Variants in LOXHD1 observed in about 807,000 individuals in gnomAD.
LOXHD1 encodes the protein lipoxygenase homology domain-containing protein 1.
Under a neutral mutation model 248.2 loss-of-function variants are expected in LOXHD1, and 205 were observed. The observed-to-expected ratio is 0.83, with a 90% CI of 0.74 to 0.93. The LOEUF is 0.93. Ranked by LOEUF, LOXHD1 falls within the 40% of genes least tolerant of loss-of-function variation. LOXHD1 has a pLI of 0.00. For synonymous variants in LOXHD1, 1,113 were observed against 1,162.8 expected (o/e 0.96, Z 0.87); for missense variants, 2,930 against 2,971.6 (o/e 0.99, Z 0.33).
chr18:46,541,797 G>A lies in LOXHD1; in HGVS notation c.3892C>T (p.Gln1298Ter), dbSNP rs1458502601. The A allele has an allele frequency of 1.3e-6, 2 of 1,551,732 alleles. No homozygotes were observed. Among genetic ancestry groups the A allele is most frequent in the Admixed American group, 3.9e-5 (2 of 51,014 alleles). Residue 1298 changes from glutamine (Q) to a stop codon, truncating the protein, a stop_gained, in exon 25 of 41, where the codon CAG (glutamine) becomes TAG (stop). Coordinates refer to ENST00000642948, the MANE Select transcript of LOXHD1 (RefSeq NM_001384474.1). LOFTEE classifies it high-confidence loss of function. ...IIRDLFHAEL[Q>*]TRLYTPFVPY... Reference sequence around the variant, plus strand: ...CTACATGGTGTGTACAGCCTCGTCTGAAGCTCTGCATGGAAGAGGTCTCTG... The same window carrying A: ...CTACATGGTGTGTACAGCCTCGTCTAAAGCTCTGCATGGAAGAGGTCTCTG...
chr18:46,541,778 G>A lies in LOXHD1; in HGVS notation c.3911C>T (p.Pro1304Leu). 2 of 1,551,700 alleles carry A rather than the reference G, an allele frequency of 1.3e-6. No individual in the cohort carries two copies. Among genetic ancestry groups the A allele is most frequent in the East Asian group, 2.4e-5 (1 of 40,912 alleles). ...HAELQTRLYT[P>L]FVPYEITLYT... The stretch of plus-strand genomic sequence containing the variant: ...GCCTTGCCGTGTGTGGTTCCTACAT[G>A]GTGTGTACAGCCTCGTCTGAAGCTC... Residue 1304 changes from proline (P) to leucine (L), a missense_variant and splice_region_variant, in exon 25 of 41, where the codon CCA (proline) becomes CTA (leucine). Transcript: ENST00000642948.
intron 1 of LOXHD1, among the ~76,000 whole-genome samples, chr18:46,649,654 T>C (rs1252180429): frequency 6.6e-6 from 1 of 152,072 alleles, no homozygotes; most frequent in Non-Finnish European, 1.5e-5. Context: ...CTCTCTGCCC[T>C]CTACACAAGG....
intron 4 of LOXHD1, among the ~76,000 whole-genome samples, chr18:46,626,593 A>C (rs561005777): frequency 6.6e-6 from 1 of 152,356 alleles, no homozygotes; most frequent in African/African-American, 2.4e-5. Context: ...GCTATAATGT[A>C]GTATTAAGTG....
intron 14 of LOXHD1, among the ~76,000 whole-genome samples, chr18:46,573,018 G>A (rs1466643446): frequency 8.6e-5 from 5 of 58,314 alleles, no homozygotes; most frequent in East Asian, 6.4e-4. Flanking sequence ...GTGAGACTCC[G>A]TCTCAAAAAA....
At chr18:46,558,093 T>G (rs1394826292) in intron 20 of LOXHD1, 9 of 984,796 alleles carry the variant, frequency 9.1e-6, no homozygotes, top group Non-Finnish European at 1.1e-5. Context: ...ATAACTTTTT[T>G]GACTCTTAAT....
intron 12 of LOXHD1, among the ~76,000 whole-genome samples, chr18:46,580,129 T>A (rs1160424381): frequency 6.6e-6 from 1 of 152,262 alleles, no homozygotes; most frequent in Non-Finnish European, 1.5e-5. Context: ...TTCAGGTTTC[T>A]CAACTCTGAA....
intron 4 of LOXHD1, among the ~76,000 whole-genome samples, chr18:46,625,865 C>T (rs1185854751): frequency 6.6e-6 from 1 of 152,156 alleles, no homozygotes; most frequent in African/African-American, 2.4e-5. Context: ...AAGACCCCTC[C>T]CATCCACCTG....
intron 3 of LOXHD1, among the ~76,000 whole-genome samples, chr18:46,640,099 G>A (rs925251701): frequency 6.6e-6 from 1 of 152,146 alleles, no homozygotes; most frequent in African/African-American, 2.4e-5. Flanking sequence ...CTTCCCCTTT[G>A]AGGTCCTGGC....
At chr18:46,580,430 G>A (rs906614192) in intron 12 of LOXHD1, among the ~76,000 whole-genome samples, 35 of 152,366 alleles carry the variant, frequency 2.3e-4, no homozygotes, top group Admixed American at 1.6e-3. Context: ...TGTGGGAAGG[G>A]CAGCAACTTC....
At chr18:46,501,346 G>T (rs963447489) in intron 37 of LOXHD1, among the ~76,000 whole-genome samples, 2 of 152,078 alleles carry the variant, frequency 1.3e-5, no homozygotes, top group Non-Finnish European at 2.9e-5. Context: ...CCTTTTCATG[G>T]TCTATTTAGT....
At chr18:46,546,102 GC>G (rs2036811244) in intron 22 of LOXHD1, among the ~76,000 whole-genome samples, 1 of 152,118 alleles carries the variant, frequency 6.6e-6, no homozygotes, top group Non-Finnish European at 1.5e-5. Flanking sequence ...CAGAGGCTCA[GC>G]AGCCAGGAGC....
intron 37 of LOXHD1, among the ~76,000 whole-genome samples, chr18:46,491,487 C>A (rs2033471955): frequency 1.3e-5 from 2 of 152,218 alleles, no homozygotes; most frequent in Non-Finnish European, 2.9e-5. Context: ...ACTACTGATT[C>A]AATGTATCAG....
At chr18:46,624,554 G>T (rs920179031) in intron 4 of LOXHD1, among the ~76,000 whole-genome samples, 1 of 152,152 alleles carries the variant, frequency 6.6e-6, no homozygotes, top group South Asian at 2.1e-4. Flanking sequence ...CCCCCAAAAG[G>T]TTTCCTCTTC....
chr18:46,579,090 C>G (rs2037912780), intron 13 of LOXHD1, among the ~76,000 whole-genome samples: 1 of 152,224 alleles, frequency 6.6e-6, no homozygotes, highest in Non-Finnish European at 1.5e-5. Flanking sequence ...CTTGATTTCT[C>G]TTTCCTAAAG....
chr18:46,652,419 C>A (rs1435287499), intron 1 of LOXHD1, among the ~76,000 whole-genome samples: 1 of 152,162 alleles, frequency 6.6e-6, no homozygotes, highest in Non-Finnish European at 1.5e-5. Flanking sequence ...AACAGACATA[C>A]CACAAAAGAG....
chr18:46,616,729 G>T (rs559965314), intron 5 of LOXHD1, among the ~76,000 whole-genome samples: 4 of 152,212 alleles, frequency 2.6e-5, no homozygotes, highest in African/African-American at 9.6e-5. Flanking sequence ...AACCTAGCTG[G>T]TATAGAATTA....
chr18:46,632,066 G>C, intron 4 of LOXHD1, among the ~76,000 whole-genome samples: 1 of 152,202 alleles, frequency 6.6e-6, no homozygotes, highest in Non-Finnish European at 1.5e-5. Context: ...AGAGGCAGTG[G>C]GGAGGCACTC....
intron 10 of LOXHD1, among the ~76,000 whole-genome samples, chr18:46,593,087 G>C (rs975784090): frequency 1.3e-5 from 2 of 152,194 alleles, no homozygotes; most frequent in Non-Finnish European, 2.9e-5. Flanking sequence ...GCTGAGAGGA[G>C]AGCCTCAAAT....
At chr18:46,564,140 G>A (rs1481130399) in intron 17 of LOXHD1, among the ~76,000 whole-genome samples, 4 of 151,930 alleles carry the variant, frequency 2.6e-5, no homozygotes, top group Non-Finnish European at 1.5e-5. Flanking sequence ...GCACACATGA[G>A]GGCCCATACA....
Sources: gnomAD v4.1 joint callset for allele counts (sites outside exome capture counted in the v4.1 genomes callset) on GRCh38, gnomAD v4.1.1 for gene constraint, MANE v1.5 for transcripts, NCBI Gene and HGNC (gene_info 2026-07-23, HGNC 2026-07-21) for gene names.